The following GABRB3 variants were observed in gnomAD, a reference collection of about 807,000 sequenced individuals.
GABRB3 encodes gamma-aminobutyric acid receptor subunit beta-3.
In GABRB3, 14 loss-of-function variants were observed where a neutral mutation model predicts 52.1. The ratio of observed to expected loss-of-function variants is 0.27; its 90% confidence interval spans 0.18 to 0.42. The LOEUF is 0.42. Ranked by LOEUF, GABRB3 falls within the 10% of genes least tolerant of loss-of-function variation. The pLI, the probability that GABRB3 is intolerant of heterozygous loss-of-function variation, is 1.00. For synonymous variants in GABRB3, 260 were observed against 232.3 expected (o/e 1.12, Z -1.08); for missense variants, 307 against 609.1 (o/e 0.50, Z 5.22).
intron 7 of GABRB3, among the ~76,000 whole-genome samples, chr15:26,562,205 G>A (rs997388308): frequency 6.6e-6 from 1 of 152,174 alleles, no homozygotes; most frequent in African/African-American, 2.4e-5. Context: ...ACTCCCTTGT[G>A]GTAGGGTGGG....
At chr15:26,678,739 C>T (rs116719726) in intron 3 of GABRB3, among the ~76,000 whole-genome samples, 1 of 152,246 alleles carries the variant, frequency 6.6e-6, no homozygotes, top group African/African-American at 2.4e-5. Flanking sequence ...TGAAGGACAG[C>T]CAGGTATACA....
intron 7 of GABRB3, among the ~76,000 whole-genome samples, chr15:26,562,189 C>T (rs1567107638): frequency 1.3e-5 from 2 of 152,168 alleles, no homozygotes; most frequent in East Asian, 1.9e-4. Flanking sequence ...AGGAAAGGCA[C>T]GGATCACTCC....
chr15:26,722,207 T>C (rs1213419976), intron 3 of GABRB3, among the ~76,000 whole-genome samples: 2 of 152,158 alleles, frequency 1.3e-5, no homozygotes, highest in Admixed American at 1.3e-4. Flanking sequence ...TCAGTTGGGC[T>C]GGGGTGGAGC....
intron 3 of GABRB3, among the ~76,000 whole-genome samples, chr15:26,627,194 T>C: frequency 6.6e-6 from 1 of 150,820 alleles, no homozygotes; most frequent in Non-Finnish European, 1.5e-5. Context: ...TAACCCACAG[T>C]TGAGACCTTC....
intron 3 of GABRB3, among the ~76,000 whole-genome samples, chr15:26,673,001 A>T (rs1370631826): frequency 6.6e-6 from 1 of 152,226 alleles, no homozygotes; most frequent in Non-Finnish European, 1.5e-5. Context: ...CAATGCACAA[A>T]ATGGAAAAAC....
At chr15:26,573,665 T>C (rs1413646222) in intron 6 of GABRB3, among the ~76,000 whole-genome samples, 2 of 152,178 alleles carry the variant, frequency 1.3e-5, no homozygotes, top group East Asian at 3.8e-4. Context: ...TTAAAAACAG[T>C]TATGCTCCAA....
At chr15:26,741,817 C>A (rs1890215956) in intron 3 of GABRB3, among the ~76,000 whole-genome samples, 1 of 152,010 alleles carries the variant, frequency 6.6e-6, no homozygotes, top group African/African-American at 2.4e-5. Flanking sequence ...GCTATGTTGC[C>A]CTGGCTGGTC....
chr15:26,762,534 T>A (rs947687373), intron 3 of GABRB3, among the ~76,000 whole-genome samples: 1 of 152,054 alleles, frequency 6.6e-6, no homozygotes, highest in African/African-American at 2.4e-5. Context: ...GAAAAAAAAA[T>A]TTCCAGTCAA....
intron 3 of GABRB3, among the ~76,000 whole-genome samples, chr15:26,746,982 A>G (rs751641465): frequency 1.1e-4 from 17 of 149,176 alleles, no homozygotes; most frequent in Admixed American, 4.0e-4. Flanking sequence ...GCAAGACTCC[A>G]TCTCAAAATA....
intron 6 of GABRB3, among the ~76,000 whole-genome samples, chr15:26,579,522 A>AT (rs895930492): frequency 1.3e-5 from 2 of 152,188 alleles, no homozygotes; most frequent in African/African-American, 4.8e-5. Context: ...ACTGGGGTCA[A>AT]TTTTTATGCA....
chr15:26,760,161 C>T (rs969755703), intron 3 of GABRB3, among the ~76,000 whole-genome samples: 2 of 152,218 alleles, frequency 1.3e-5, no homozygotes, highest in African/African-American at 4.8e-5. Context: ...AGATGGGCTC[C>T]GTGCCACTGA....
At chr15:26,571,179 C>A (rs141214824) in intron 6 of GABRB3, among the ~76,000 whole-genome samples, 4 of 151,096 alleles carry the variant, frequency 2.6e-5, no homozygotes, top group African/African-American at 9.7e-5. Flanking sequence ...TTATTTGCTT[C>A]TCTTTGCTTC....
chr15:26,647,137 C>G (rs945399912), intron 3 of GABRB3, among the ~76,000 whole-genome samples: 3 of 152,188 alleles, frequency 2.0e-5, no homozygotes, highest in African/African-American at 7.2e-5. Context: ...GCCACTGCAC[C>G]CAGCCTCATA....
At chr15:26,754,522 C>G (rs1890603628) in intron 3 of GABRB3, among the ~76,000 whole-genome samples, 1 of 152,178 alleles carries the variant, frequency 6.6e-6, no homozygotes, top group East Asian at 1.9e-4. Flanking sequence ...AGTCCAAATG[C>G]CCTTCCCAAT....
At chr15:26,702,994 C>T (rs557279801) in intron 3 of GABRB3, among the ~76,000 whole-genome samples, 2 of 152,140 alleles carry the variant, frequency 1.3e-5, no homozygotes, top group Admixed American at 1.3e-4. Context: ...CATAAATGGC[C>T]TTTTTGCTTT....
intron 3 of GABRB3, among the ~76,000 whole-genome samples, chr15:26,732,202 G>GTGGA (rs1889938758): frequency 1.3e-5 from 2 of 149,908 alleles, no homozygotes; most frequent in African/African-American, 4.9e-5. Context: ...AGATGGATGG[G>GTGGA]TGGATGGATG....
intron 3 of GABRB3, among the ~76,000 whole-genome samples, chr15:26,679,692 A>C (rs2140645323): frequency 6.6e-6 from 1 of 152,162 alleles, no homozygotes; most frequent in South Asian, 2.1e-4. Flanking sequence ...AGCCAATCTC[A>C]CTGCTTCCAG....
intron 4 of GABRB3, among the ~76,000 whole-genome samples, chr15:26,620,300 G>GTCAC (rs1892434396): frequency 6.6e-6 from 1 of 152,172 alleles, no homozygotes; most frequent in African/African-American, 2.4e-5. Flanking sequence ...TTCTGAGAAA[G>GTCAC]TCACTCACAT....
intron 2 of GABRB3, 39 bp from the exon 3 acceptor site, chr15:26,772,508 G>T (rs1043278195): frequency 6.3e-7 from 1 of 1,593,538 alleles, no homozygotes; most frequent in Non-Finnish European, 8.6e-7. Flanking sequence ...GCCCAGCTCC[G>T]GCGCGGGGCG....
Sources: allele counts gnomAD v4.1 joint callset (sites outside exome capture counted in the v4.1 genomes callset), GRCh38; gene constraint gnomAD v4.1.1; transcripts MANE v1.5; gene names NCBI Gene and HGNC (gene_info 2026-07-23, HGNC 2026-07-21).